CEP162: variants seen among roughly 807,000 people sequenced by gnomAD.
CEP162 encodes centrosomal protein 162.
In CEP162, 141 loss-of-function variants were observed where a neutral mutation model predicts 169.2. The observed-to-expected ratio is 0.83, with a 90% CI of 0.73 to 0.96. The LOEUF (loss-of-function observed/expected upper bound fraction) is 0.96. Among genes scored for constraint, CEP162 ranks in the 40% least tolerant of loss-of-function variants. The pLI is 0.00. For synonymous variants in CEP162, 540 were observed against 526.4 expected (o/e 1.03, Z -0.35); for missense variants, 1,600 against 1,587.2 (o/e 1.01, Z -0.14).
intron 3 of CEP162, among the ~76,000 whole-genome samples, chr6:84,218,818 A>T (rs1028168098): frequency 2.0e-5 from 3 of 152,218 alleles, no homozygotes; most frequent in African/African-American, 7.2e-5. Context: ...AGATGCTTCA[A>T]ATGAAAAAGT....
intron 13 of CEP162, among the ~76,000 whole-genome samples, chr6:84,183,143 T>A (rs1383359213): frequency 6.6e-6 from 1 of 152,172 alleles, no homozygotes; most frequent in Admixed American, 6.5e-5. Context: ...ACTATAAATT[T>A]TAATAATGTG....
Position 84,160,872 on chromosome 6 carries a change from C to G in CEP162, c.2721G>C (p.Gln907His). The G allele has an allele frequency of 1.2e-6, 2 of 1,613,148 alleles. No individual in the cohort carries two copies. The highest frequency in any genetic ancestry group is 8.5e-7 in the Non-Finnish European group (1 of 1,179,500). The stretch of plus-strand genomic sequence containing the variant: ...CTGCTTTATCTTTTAAGCGTATCTT[C>G]TGCCGAATAGATGGATTCCCAGATT... ...KAESGNPSIR[Q>H]KIRLKDKAAD... Residue 907 changes from glutamine (Q) to histidine (H), a missense_variant, in exon 21 of 27, where the codon CAG (glutamine) becomes CAC (histidine). Gln to His is a conservative substitution (Grantham distance 24, BLOSUM62 0). Transcript: ENST00000403245.
chr6:84,150,902 T>C (rs1040233121), intron 23 of CEP162, among the ~76,000 whole-genome samples: 3 of 152,132 alleles, frequency 2.0e-5, no homozygotes, highest in Non-Finnish European at 4.4e-5. Context: ...CTACAGCACA[T>C]TGCTGTGGGG....
chr6:84,163,108 A>G (rs753577586), intron 19 of CEP162, 36 bp downstream of exon 19: 18 of 1,600,986 alleles, frequency 1.1e-5, no homozygotes, highest in Non-Finnish European at 1.3e-5. Context: ...AACAGTTATG[A>G]TTATAAAGGT....
At chr6:84,225,880 C>G (rs1254128838) in intron 2 of CEP162, among the ~76,000 whole-genome samples, 3 of 152,014 alleles carry the variant, frequency 2.0e-5, no homozygotes, top group Admixed American at 1.3e-4. Context: ...GCAGAGGGAA[C>G]AGTGAGTGCA....
intron 25 of CEP162, 87 bp from the exon 26 acceptor site, chr6:84,126,599 T>G: frequency 9.8e-7 from 1 of 1,018,000 alleles, no homozygotes; most frequent in Non-Finnish European, 1.4e-6. Flanking sequence ...TGTATAAAAT[T>G]TCTCTATATA....
chr6:84,200,333 A>G (rs1231931175), intron 9 of CEP162, among the ~76,000 whole-genome samples: 1 of 152,214 alleles, frequency 6.6e-6, no homozygotes. Context: ...AAAAGGCATT[A>G]TCTCAAAGAC....
intron 21 of CEP162, among the ~76,000 whole-genome samples, chr6:84,159,249 TAAG>T (rs536993069): frequency 8.4e-4 from 127 of 151,324 alleles, no homozygotes; most frequent in African/African-American, 2.7e-3. Flanking sequence ...TAGAAAAATA[TAAG>T]ATGATGAACT....
intron 9 of CEP162, among the ~76,000 whole-genome samples, chr6:84,198,741 T>C (rs1450671437): frequency 6.6e-6 from 1 of 152,142 alleles, no homozygotes; most frequent in Non-Finnish European, 1.5e-5. Context: ...TGTAACTGTT[T>C]AGTGAATCTT....
intron 6 of CEP162, among the ~76,000 whole-genome samples, chr6:84,204,598 T>C (rs958722682): frequency 6.6e-6 from 1 of 152,200 alleles, no homozygotes; most frequent in Non-Finnish European, 1.5e-5. Flanking sequence ...GGGAAATTTA[T>C]AGCACTAAAT....
At chr6:84,182,069 A>C (rs572457343) in intron 13 of CEP162, among the ~76,000 whole-genome samples, 18 of 152,172 alleles carry the variant, frequency 1.2e-4, no homozygotes, top group Non-Finnish European at 2.6e-4. Context: ...CCTAGATCTA[A>C]TATCCTATTT....
At chr6:84,159,406 A>G (rs1057412692) in intron 21 of CEP162, among the ~76,000 whole-genome samples, 12 of 149,364 alleles carry the variant, frequency 8.0e-5, no homozygotes, top group Non-Finnish European at 1.8e-4. Flanking sequence ...TTTCTCTCCC[A>G]CTTCTGGATG....
chr6:84,212,989 T>G lies in CEP162; in HGVS notation c.539A>C (p.His180Pro). 3 of 1,555,846 alleles carry G rather than the reference T, an allele frequency of 1.9e-6. No homozygotes were observed. Among genetic ancestry groups the G allele is most frequent in the South Asian group, 2.4e-5 (2 of 83,190 alleles). Reference protein sequence around the residue: ...QANAELTDDEHENESKHEELA... With the variant: ...QANAELTDDEPENESKHEELA... ...TTCTTCATGTTTCGATTCATTCTCA[T>G]GTTCGTCATCAGTTAGTTCTGCGTT... The change falls in exon 6 of 27, where the codon CAT (histidine) becomes CCT (proline). Residue 180 changes from histidine to proline, a missense_variant. Coordinates refer to ENST00000403245, the MANE Select transcript of CEP162 (RefSeq NM_014895.4).
chr6:84,206,462 A>C (rs1403712922), intron 6 of CEP162, among the ~76,000 whole-genome samples: 2 of 152,208 alleles, frequency 1.3e-5, no homozygotes, highest in African/African-American at 4.8e-5. Context: ...AAAAATAAGA[A>C]ATGAGGAAAG....
chr6:84,173,997 A>G (rs1588792525), intron 16 of CEP162, 51 bp downstream of exon 16: 2 of 1,533,756 alleles, frequency 1.3e-6, no homozygotes, highest in East Asian at 2.3e-5. Context: ...CCTTATTTTT[A>G]TAACTAAAAG....
chr6:84,186,509 T>A lies in CEP162; in HGVS notation c.1224A>T (p.Lys408Asn). The A allele has an allele frequency of 8.7e-6, 14 of 1,613,282 alleles. No homozygotes were observed. The highest frequency in any genetic ancestry group is 1.2e-5 in the Non-Finnish European group (14 of 1,179,470). Reference sequence around the variant, plus strand: ...TTTGTAAAATCACATTCTCATCATTTTTGTCAAAAAAAAGGTTCACATGTT... The same window carrying A: ...TTTGTAAAATCACATTCTCATCATTATTGTCAAAAAAAAGGTTCACATGTT... ...DSQHVNLFFDKNDENVILQKT... is the reference protein window; with the variant it reads ...DSQHVNLFFDNNDENVILQKT... Residue 408 changes from lysine (K) to asparagine (N), a missense_variant, in exon 12 of 27, where the codon AAA becomes AAT. Transcript: ENST00000403245.
chr6:84,194,707 C>T (rs933020113), intron 10 of CEP162, among the ~76,000 whole-genome samples, 177 bp downstream of exon 10: 1 of 152,112 alleles, frequency 6.6e-6, no homozygotes, highest in Admixed American at 6.5e-5. Flanking sequence ...CCACCTCGGC[C>T]TCCCAAAGTG....
chr6:84,159,523 T>TTATATATATA lies in CEP162; in HGVS notation c.2781+1279_2781+1288dup. Reference sequence around the variant, plus strand: ...CTAGTTCTTTTTTAAAATTAATTATTTATATATATATATATATATATATAT... The same window carrying TTATATATATA: ...CTAGTTCTTTTTTAAAATTAATTATTTATATATATATATATATATATATATATATATATAT... On this transcript the variant is annotated intron_variant, in intron 21 of 26. Coordinates refer to ENST00000403245, the MANE Select transcript of CEP162 (RefSeq NM_014895.4). 5.0e-3 allele frequency among the ~76,000 whole-genome samples: 185 copies of TTATATATATA among 37,094 alleles called. 6 individuals are homozygous for TTATATATATA. Among genetic ancestry groups the TTATATATATA allele is most frequent in the African/African-American group, 0.014 (126 of 9,040 alleles). 24.3% of individuals were successfully genotyped at this position (37,094 alleles called of 152,430 possible). A position where few individuals can be genotyped will look rare whatever the true frequency, so the allele number is the denominator to read the frequency against.
chr6:84,195,668 A>G (rs1554181301), intron 9 of CEP162, among the ~76,000 whole-genome samples: 2 of 152,078 alleles, frequency 1.3e-5, no homozygotes, highest in Non-Finnish European at 2.9e-5. Context: ...TTTTTCCTGT[A>G]ACTGTTTCTT....
Sources: gnomAD v4.1 joint callset for allele counts (sites outside exome capture counted in the v4.1 genomes callset) on GRCh38, gnomAD v4.1.1 for gene constraint, MANE v1.5 for transcripts, NCBI Gene and HGNC (gene_info 2026-07-23, HGNC 2026-07-21) for gene names.